L3MBTL3: variants seen among roughly 807,000 people sequenced by gnomAD.
L3MBTL3 encodes lethal(3)malignant brain tumor-like protein 3.
In L3MBTL3, 27 loss-of-function variants were observed where a neutral mutation model predicts 102.3. That is an observed-to-expected ratio of 0.26 (90% CI 0.19 to 0.36). The LOEUF is 0.36. Ranked by LOEUF, L3MBTL3 falls within the 10% of genes least tolerant of loss-of-function variation. L3MBTL3 has a pLI of 1.00. For missense variants in L3MBTL3, 798 were observed against 955.3 expected (o/e 0.84, Z 2.17); for synonymous variants, 340 against 320.9 (o/e 1.06, Z -0.64).
At chr6:130,122,265 G>A (rs1376665368) in intron 20 of L3MBTL3, among the ~76,000 whole-genome samples, 1 of 152,204 alleles carries the variant, frequency 6.6e-6, no homozygotes, top group Non-Finnish European at 1.5e-5. Context: ...TATTTCATAA[G>A]TGATGCTTTG....
At chr6:130,127,449 G>C (rs2114352609) in intron 20 of L3MBTL3, among the ~76,000 whole-genome samples, 1 of 152,252 alleles carries the variant, frequency 6.6e-6, no homozygotes, top group Admixed American at 6.5e-5. Context: ...GTCCTCTGTA[G>C]CCTAACAAAA....
intron 19 of L3MBTL3, among the ~76,000 whole-genome samples, chr6:130,106,909 C>A (rs1433781421): frequency 6.6e-6 from 1 of 152,236 alleles, no homozygotes; most frequent in Non-Finnish European, 1.5e-5. Flanking sequence ...CCTGAGCATG[C>A]CACATTACTA....
intron 19 of L3MBTL3, among the ~76,000 whole-genome samples, chr6:130,112,184 G>GTTT (rs1785393172): frequency 6.6e-6 from 1 of 152,106 alleles, no homozygotes; most frequent in Admixed American, 6.6e-5. Context: ...GACGTTCTTG[G>GTTT]GTAAACACCT....
Position 130,080,510 on chromosome 6 carries a change from C to T in L3MBTL3, c.1321+1876C>T, listed in dbSNP as rs529313584. ...ACCATTTTTGGTCATGATCAGAGAT[C>T]TGATTAATTAACAATGAACCAGTGA... On this transcript the variant is annotated intron_variant, in intron 14 of 22. Transcript: ENST00000361794. 2.4e-4 allele frequency among the ~76,000 whole-genome samples: 36 copies of T among 152,172 alleles called. 1 individual carries two copies. Among genetic ancestry groups the T allele is most frequent in the African/African-American group, 7.9e-4 (33 of 41,534 alleles).
In L3MBTL3 at chr6:130,122,072, G is replaced by A. The variant is rs9483087; in HGVS notation, c.1966+1114G>A. Among the ~76,000 whole-genome samples, 1,191 of 152,234 alleles carry A rather than the reference G, an allele frequency of 7.8e-3. 15 individuals carry two copies. Among genetic ancestry groups the A allele is most frequent in the African/African-American group, 0.026 (1,069 of 41,534 alleles). ...AGCAATGAAGTTGTAATAACTGTTA[G>A]TCATAGTATAGATGGTATTTATAAA... On this transcript the variant is annotated intron_variant, in intron 20 of 22. Coordinates refer to ENST00000361794, the MANE Select transcript of L3MBTL3 (RefSeq NM_032438.4).
intron 22 of L3MBTL3, 62 bp from the exon 23 acceptor site, chr6:130,139,548 A>G (rs1294607184): frequency 2.0e-6 from 3 of 1,490,564 alleles, no homozygotes; most frequent in South Asian, 2.3e-5. Context: ...TTAACCTTGA[A>G]TATTTTCTAC....
At chr6:130,019,142 G>A (rs1212911692) in intron 1 of L3MBTL3, among the ~76,000 whole-genome samples, 1 of 151,654 alleles carries the variant, frequency 6.6e-6, no homozygotes, top group African/African-American at 2.4e-5. Flanking sequence ...GATGCGTGTG[G>A]CCCCCTCCCC....
chr6:130,092,693 G>A (rs933117453), intron 16 of L3MBTL3, 52 bp from the exon 17 acceptor site: 1 of 1,130,688 alleles, frequency 8.8e-7, no homozygotes, highest in Non-Finnish European at 1.3e-6. Context: ...AACTTTGACT[G>A]TAGGAACTTT....
At chr6:130,137,500 C>A (rs1787820052) in intron 22 of L3MBTL3, 1 of 152,150 alleles carries the variant, frequency 6.6e-6, no homozygotes, top group Admixed American at 6.5e-5. Context: ...TTGGAAGTAG[C>A]CTCAAGATTT....
chr6:130,067,356 T>C (rs1205771368), intron 11 of L3MBTL3, among the ~76,000 whole-genome samples: 1 of 152,156 alleles, frequency 6.6e-6, no homozygotes, highest in Non-Finnish European at 1.5e-5. Context: ...TCAAGTGATC[T>C]GCCCACCTTG....
intron 19 of L3MBTL3, among the ~76,000 whole-genome samples, chr6:130,106,848 G>T (rs1182992133): frequency 6.6e-5 from 10 of 152,316 alleles, no homozygotes; most frequent in Non-Finnish European, 1.5e-5. Context: ...AAGAGGTAAA[G>T]AAATGCCCTT....
At chr6:130,087,956 T>C (rs1783794757) in intron 16 of L3MBTL3, among the ~76,000 whole-genome samples, 1 of 152,146 alleles carries the variant, frequency 6.6e-6, no homozygotes, top group Non-Finnish European at 1.5e-5. Flanking sequence ...TTTTTACTTG[T>C]TTAGTTTCTG....
chr6:130,052,811 T>C, intron 6 of L3MBTL3, 48 bp from the exon 7 acceptor site: 2 of 1,558,904 alleles, frequency 1.3e-6, no homozygotes, highest in Non-Finnish European at 1.7e-6. Context: ...AGTAGATGTT[T>C]GATAGGTATT....
intron 3 of L3MBTL3, among the ~76,000 whole-genome samples, chr6:130,044,513 G>T (rs750620204): frequency 6.6e-6 from 1 of 152,078 alleles, no homozygotes; most frequent in African/African-American, 2.4e-5. Flanking sequence ...GGTTTTCTAA[G>T]CAATGAGTTT....
intron 18 of L3MBTL3, among the ~76,000 whole-genome samples, chr6:130,096,139 A>G (rs1396592208): frequency 6.6e-6 from 1 of 152,138 alleles, no homozygotes; most frequent in Non-Finnish European, 1.5e-5. Flanking sequence ...TGGTGAGGCC[A>G]CGGGGGGTAC....
At chr6:130,127,546 T>C (rs1173218777) in intron 20 of L3MBTL3, among the ~76,000 whole-genome samples, 3 of 152,206 alleles carry the variant, frequency 2.0e-5, no homozygotes, top group Non-Finnish European at 2.9e-5. Context: ...TGAAGAACTT[T>C]CATATGGTAA....
At chr6:130,048,062 T>TTGTTTAAG (rs1780835963) in intron 3 of L3MBTL3, among the ~76,000 whole-genome samples, 1 of 152,192 alleles carries the variant, frequency 6.6e-6, no homozygotes, top group South Asian at 2.1e-4. Context: ...GCATAGAACA[T>TTGTTTAAG]TGTTTAAGGT....
In L3MBTL3 at chr6:130,062,990, C is replaced by T. The variant is rs369812891; in HGVS notation, c.864+2850C>T. On this transcript the variant is annotated intron_variant, in intron 10 of 22. Coordinates refer to ENST00000361794, the MANE Select transcript of L3MBTL3 (RefSeq NM_032438.4). ...CCTCCCTCCTTCCCTTCTTGCCTTT[C>T]TTTTTTTTTTTTTCTGTTTTTTTTT... 1.2e-4 allele frequency among the ~76,000 whole-genome samples: 15 copies of T among 126,190 alleles called. No homozygotes were observed. The East Asian group carries it at 1.8e-3, about 15-fold the overall frequency. 82.8% of individuals were successfully genotyped at this position (126,190 alleles called of 152,430 possible).
intron 8 of L3MBTL3, among the ~76,000 whole-genome samples, chr6:130,056,842 C>T (rs1442356175): frequency 1.3e-5 from 2 of 152,184 alleles, no homozygotes; most frequent in Non-Finnish European, 2.9e-5. Context: ...GTACCTTTCT[C>T]TCAGCTTTGC....
Sources: allele counts gnomAD v4.1 joint callset (sites outside exome capture counted in the v4.1 genomes callset), GRCh38; gene constraint gnomAD v4.1.1; transcripts MANE v1.5; gene names NCBI Gene and HGNC (gene_info 2026-07-23, HGNC 2026-07-21).